QTMAN: variants seen among roughly 807,000 people sequenced by gnomAD.
The protein encoded by QTMAN is queuosine-tRNA mannosyltransferase, also known as tRNA-queuosine alpha-mannosyltransferase.
At chr2:144,121,633 A>C in the QTMAN span, among the ~76,000 whole-genome samples, 1 of 152,198 alleles carries the variant, frequency 6.6e-6, no homozygotes, top group African/African-American at 2.4e-5. Flanking sequence ...CTCCAAAAGA[A>C]TTCCTCCTAG....
chr2:144,178,880 T>G, the QTMAN span: 1 of 402,672 alleles, frequency 2.5e-6, no homozygotes. Context: ...TCTTGCATTT[T>G]CAATGTTGAC....
At chr2:143,952,965 T>C in the QTMAN span, 15 of 654,668 alleles carry the variant, frequency 2.3e-5, no homozygotes, top group East Asian at 1.0e-4. Flanking sequence ...ACAAAAAACA[T>C]GGTCGGCAGT....
the QTMAN span, among the ~76,000 whole-genome samples, chr2:144,307,826 A>T: frequency 6.6e-6 from 1 of 152,186 alleles, no homozygotes; most frequent in Non-Finnish European, 1.5e-5. Flanking sequence ...TTACTCAGAG[A>T]AATGAAAGAA....
the QTMAN span, chr2:144,294,522 C>T: frequency 6.6e-6 from 1 of 152,112 alleles, no homozygotes; most frequent in Non-Finnish European, 1.5e-5. Context: ...CATTAAGTAT[C>T]CATCAATCAA....
At chr2:144,152,216 C>G in the QTMAN span, among the ~76,000 whole-genome samples, 1 of 152,256 alleles carries the variant, frequency 6.6e-6, no homozygotes, top group East Asian at 1.9e-4. Context: ...GAACACCTGT[C>G]AAGAAGGTAG....
chr2:144,097,550 C>T, the QTMAN span, among the ~76,000 whole-genome samples: 2 of 152,132 alleles, frequency 1.3e-5, no homozygotes, highest in Non-Finnish European at 2.9e-5. Flanking sequence ...CGGAATTCCT[C>T]CCATCACTGA....
the QTMAN span, among the ~76,000 whole-genome samples, chr2:144,067,293 GT>G: frequency 4.9e-3 from 753 of 152,272 alleles, 22 homozygotes; most frequent in Non-Finnish European, 1.8e-3. Flanking sequence ...AAAATTTAAG[GT>G]TTTTTAAATT....
the QTMAN span, among the ~76,000 whole-genome samples, chr2:143,948,219 C>T: frequency 7.9e-5 from 12 of 152,226 alleles, no homozygotes; most frequent in African/African-American, 2.9e-4. Context: ...CCACAAATGG[C>T]TTTTCTGGGC....
chr2:144,098,280 A>C, the QTMAN span, among the ~76,000 whole-genome samples: 8 of 152,354 alleles, frequency 5.3e-5, no homozygotes, highest in Middle Eastern at 3.4e-3. Context: ...CTTCCATGTC[A>C]CCTTTCGAAG....
At chr2:144,023,740 T>C in the QTMAN span, among the ~76,000 whole-genome samples, 2 of 152,196 alleles carry the variant, frequency 1.3e-5, no homozygotes, top group Non-Finnish European at 2.9e-5. Flanking sequence ...TGCACAAACA[T>C]CTCTATAAAT....
At chr2:144,325,894 G>A in the QTMAN span, among the ~76,000 whole-genome samples, 1 of 152,182 alleles carries the variant, frequency 6.6e-6, no homozygotes, top group Non-Finnish European at 1.5e-5. Flanking sequence ...TACAGACATG[G>A]TAATTTGGGT....
chr2:144,118,467 A>G, the QTMAN span, among the ~76,000 whole-genome samples: 1 of 152,228 alleles, frequency 6.6e-6, no homozygotes, highest in African/African-American at 2.4e-5. Flanking sequence ...ATATTTTTAA[A>G]ACACAGGATA....
At chr2:144,104,300 AG>A in the QTMAN span, among the ~76,000 whole-genome samples, 1 of 152,190 alleles carries the variant, frequency 6.6e-6, no homozygotes, top group African/African-American at 2.4e-5. Flanking sequence ...GAGCCGAAGC[AG>A]GGCGAGGCAT....
the QTMAN span, among the ~76,000 whole-genome samples, chr2:144,118,494 C>T: frequency 2.0e-5 from 3 of 152,210 alleles, no homozygotes; most frequent in South Asian, 2.1e-4. Flanking sequence ...ATACCAGTTC[C>T]GGCTGTAAAC....
At chr2:144,301,166 C>A in the QTMAN span, among the ~76,000 whole-genome samples, 1 of 152,152 alleles carries the variant, frequency 6.6e-6, no homozygotes, top group South Asian at 2.1e-4. Context: ...ACACAAAATA[C>A]CACAGCTATG....
chr2:144,092,607 G>T, the QTMAN span, among the ~76,000 whole-genome samples: 1 of 152,152 alleles, frequency 6.6e-6, no homozygotes, highest in Non-Finnish European at 1.5e-5. Flanking sequence ...TAGTCATTTT[G>T]AACTGTTGGA....
chr2:144,120,016 T>C, the QTMAN span, among the ~76,000 whole-genome samples: 1 of 152,206 alleles, frequency 6.6e-6, no homozygotes, highest in African/African-American at 2.4e-5. Flanking sequence ...ATTAGGATAT[T>C]AGAGAGCAGA....
chr2:144,009,862 T>TA, the QTMAN span, among the ~76,000 whole-genome samples: 4 of 151,824 alleles, frequency 2.6e-5, no homozygotes, highest in African/African-American at 4.8e-5. Flanking sequence ...CCAGAAAAGG[T>TA]AAAAAAATAG....
At chr2:144,328,485 C>G in the QTMAN span, among the ~76,000 whole-genome samples, 4,863 of 152,242 alleles carry the variant, frequency 0.032, 232 homozygotes, top group Admixed American at 0.13. Context: ...GAAAATCTTG[C>G]AGGCAAACTG....
Sources: allele counts gnomAD v4.1 joint callset (sites outside exome capture counted in the v4.1 genomes callset), GRCh38; gene constraint gnomAD v4.1.1; transcripts MANE v1.5; gene names NCBI Gene and HGNC (gene_info 2026-07-23, HGNC 2026-07-21).